RORA: variants seen among roughly 807,000 people sequenced by gnomAD.
The protein encoded by RORA is RAR related orphan receptor A.
In RORA, 7 loss-of-function variants were observed where a neutral mutation model predicts 69.5. That is an observed-to-expected ratio of 0.10 (90% CI 0.06 to 0.19). RORA has a LOEUF of 0.19. Ranked by LOEUF, RORA falls within the 10% of genes least tolerant of loss-of-function variation. RORA has a pLI of 1.00. For synonymous variants in RORA, 261 were observed against 240.8 expected, an observed-to-expected ratio of 1.08 and a Z score of -0.78; for missense variants, 457 against 663.0, an observed-to-expected ratio of 0.69 and a Z score of 3.41.
intron 1 of RORA, among the ~76,000 whole-genome samples, chr15:60,767,680 C>G (rs2072011274): frequency 6.6e-6 from 1 of 152,204 alleles, no homozygotes; most frequent in African/African-American, 2.4e-5. Context: ...TATTCTTGGT[C>G]ATTTGATCAC....
At chr15:61,112,804 C>T (rs930671477) in intron 1 of RORA, among the ~76,000 whole-genome samples, 4 of 152,202 alleles carry the variant, frequency 2.6e-5, no homozygotes, top group South Asian at 2.1e-4. Flanking sequence ...GGGCAATGGG[C>T]TTCAAGAGCA....
rs201430054 is a variant in RORA, at chr15:61,190,394, G to A, written c.166+38659C>T. ...TAAAGTGATATATGTCCTGCATAAA[G>A]TGAGGCCTACCTTTAAATATCAGAA... On this transcript the variant is annotated intron_variant, in intron 1 of 10. Transcript: ENST00000335670. Among the ~76,000 whole-genome samples, 10 of 152,324 alleles carry A rather than the reference G, an allele frequency of 6.6e-5. No homozygotes were observed. In the East Asian group the frequency reaches 1.9e-3, roughly 29 times the overall value.
chr15:60,748,654 C>T (rs1433417510), intron 1 of RORA, among the ~76,000 whole-genome samples: 1 of 152,208 alleles, frequency 6.6e-6, no homozygotes, highest in Non-Finnish European at 1.5e-5. Context: ...TCCTGGTTCT[C>T]CTTCTAGGCC....
chr15:60,557,004 T>A, intron 2 of RORA: 1 of 1,227,102 alleles, frequency 8.1e-7, no homozygotes. Context: ...GCATAGCACA[T>A]CCCCAAATGC....
intron 2 of RORA, among the ~76,000 whole-genome samples, chr15:60,670,323 C>T (rs1400667385): frequency 2.6e-5 from 4 of 151,758 alleles, no homozygotes; most frequent in Non-Finnish European, 4.4e-5. Flanking sequence ...GATTATCCTG[C>T]CTCAGCCTCC....
At chr15:61,218,128 C>A (rs1052856201) in intron 1 of RORA, among the ~76,000 whole-genome samples, 1 of 151,918 alleles carries the variant, frequency 6.6e-6, no homozygotes, top group Non-Finnish European at 1.5e-5. Context: ...ATAGAGCAAA[C>A]ACAATCACGC....
chr15:60,645,798 T>G (rs1467855397), intron 2 of RORA, among the ~76,000 whole-genome samples: 3 of 45,034 alleles, frequency 6.7e-5, no homozygotes, highest in East Asian at 1.4e-3. Context: ...TGAAATAGGG[T>G]TTTTTTTTTT....
At chr15:60,908,876 CA>C (rs1358998423) in intron 1 of RORA, among the ~76,000 whole-genome samples, 1 of 151,338 alleles carries the variant, frequency 6.6e-6, no homozygotes, top group Non-Finnish European at 1.5e-5. Flanking sequence ...TATTTCATTT[CA>C]TTTTTTTTTT....
chr15:60,827,827 T>C (rs1022191770), intron 1 of RORA, among the ~76,000 whole-genome samples: 1 of 152,234 alleles, frequency 6.6e-6, no homozygotes, highest in Non-Finnish European at 1.5e-5. Flanking sequence ...TCTTGAAGAC[T>C]CCTTTATAGC....
At chr15:60,896,866 T>C (rs1891244832) in intron 1 of RORA, among the ~76,000 whole-genome samples, 2 of 151,942 alleles carry the variant, frequency 1.3e-5, no homozygotes. Context: ...TCTAAGAGGC[T>C]CAGCTCTATC....
chr15:60,613,273 C>T (rs180386), intron 2 of RORA, among the ~76,000 whole-genome samples: 1,687 of 152,148 alleles, frequency 0.011, 33 homozygotes, highest in African/African-American at 0.035. Context: ...TATACAGGGG[C>T]GTCACTTGAC....
Position 60,494,925 on chromosome 15 carries a change from A to G in RORA, c.*2530T>C, listed in dbSNP as rs192719182. 7 of 152,346 alleles carry G rather than the reference A, an allele frequency of 4.6e-5. No individual in the cohort carries two copies. In the South Asian group the frequency reaches 6.2e-4, roughly 14 times the overall value. The allele number at this position is 152,346 out of a possible 1,614,324, so 9.4% of individuals were successfully genotyped here. A position where few individuals can be genotyped will look rare whatever the true frequency, so the allele number is the denominator to read the frequency against. On this transcript the variant is annotated 3_prime_UTR_variant, in exon 11 of 11. Transcript: ENST00000335670. ...TCTCTCTCACCCTTAGAGAAATTCA[A>G]TTAGCTTTTATTATTTCACAAATCG...
chr15:60,830,704 C>T (rs919504885), intron 1 of RORA, among the ~76,000 whole-genome samples: 2 of 152,188 alleles, frequency 1.3e-5, no homozygotes, highest in Non-Finnish European at 2.9e-5. Context: ...CTCAAAGCTA[C>T]TAATTCATAC....
intron 1 of RORA, among the ~76,000 whole-genome samples, chr15:61,034,963 T>C (rs1186824464): frequency 6.6e-6 from 1 of 152,128 alleles, no homozygotes; most frequent in Non-Finnish European, 1.5e-5. Flanking sequence ...TTCAGAAAAA[T>C]TCAACTATGA....
intron 1 of RORA, among the ~76,000 whole-genome samples, chr15:60,793,333 G>T (rs1195804754): frequency 1.3e-5 from 2 of 152,188 alleles, no homozygotes; most frequent in African/African-American, 4.8e-5. Flanking sequence ...AGGCTTAGAA[G>T]TGTCTTACAC....
At chr15:61,003,687 C>T (rs528052017) in intron 1 of RORA, among the ~76,000 whole-genome samples, 6 of 152,096 alleles carry the variant, frequency 3.9e-5, no homozygotes, top group African/African-American at 1.4e-4. Flanking sequence ...CTTTCAACTA[C>T]AAAATGCAAA....
At chr15:60,516,185 TTATATATATATTTA>T (rs2065932931) in intron 3 of RORA, among the ~76,000 whole-genome samples, 6 of 19,282 alleles carry the variant, frequency 3.1e-4, no homozygotes, top group Middle Eastern at 0.026. Flanking sequence ...ATATATATAT[TTATATATATATTTA>T]TATATATATT....
At chr15:60,981,352 T>C (rs528801377) in intron 1 of RORA, among the ~76,000 whole-genome samples, 1 of 152,262 alleles carries the variant, frequency 6.6e-6, no homozygotes, top group East Asian at 1.9e-4. Flanking sequence ...TGATATTTTT[T>C]ATCAAATTTG....
intron 1 of RORA, among the ~76,000 whole-genome samples, chr15:61,109,958 C>T (rs1042553181): frequency 6.6e-6 from 1 of 152,180 alleles, no homozygotes; most frequent in Admixed American, 6.5e-5. Flanking sequence ...CCAAATATGA[C>T]AGCGGTCCCA....
Sources: gnomAD v4.1 joint callset for allele counts (sites outside exome capture counted in the v4.1 genomes callset) on GRCh38, gnomAD v4.1.1 for gene constraint, MANE v1.5 for transcripts, NCBI Gene and HGNC (gene_info 2026-07-23, HGNC 2026-07-21) for gene names.